UBE2E1: variants seen among roughly 807,000 people sequenced by gnomAD.
UBE2E1 encodes the protein ubiquitin-conjugating enzyme E2 E1.
A neutral mutation model predicts 21.4 loss-of-function variants in UBE2E1; 6 were observed. That is an observed-to-expected ratio of 0.28 (90% CI 0.15 to 0.55). UBE2E1 has a LOEUF of 0.55. Ranked by LOEUF, UBE2E1 falls within the 20% of genes least tolerant of loss-of-function variation. UBE2E1 has a pLI of 0.93. For missense variants in UBE2E1, 142 were observed against 236.5 expected, an observed-to-expected ratio of 0.60 and a Z score of 2.62; for synonymous variants, 87 against 82.7, an observed-to-expected ratio of 1.05 and a Z score of -0.28.
At chr3:23,807,496 A>G (rs1029409164) in intron 2 of UBE2E1, 75 bp downstream of exon 2, 21 of 1,560,592 alleles carry the variant, frequency 1.3e-5, no homozygotes, top group Admixed American at 5.9e-5. Flanking sequence ...CTGCCTCCCA[A>G]TGAGGATAGC....
intron 3 of UBE2E1, among the ~76,000 whole-genome samples, chr3:23,847,742 A>T (rs1031530680): frequency 7.2e-5 from 11 of 151,906 alleles, no homozygotes; most frequent in African/African-American, 2.7e-4. Context: ...TGATCCACCC[A>T]CCTCGGCCTC....
rs1699365675 is a variant in UBE2E1, at chr3:23,810,582, C to G, written c.153-878C>G. 74 of 1,492,450 alleles carry G rather than the reference C, an allele frequency of 5.0e-5. No homozygotes were observed. In the South Asian group the frequency reaches 9.0e-4, roughly 18 times the overall value. The allele number at this position is 1,492,450 out of a possible 1,614,324, so 92.5% of individuals were successfully genotyped here. On this transcript the variant is annotated intron_variant, in intron 2 of 5. Coordinates refer to ENST00000306627, the MANE Select transcript of UBE2E1 (RefSeq NM_003341.5). The surrounding 1 kb of genome is among the most constrained non-coding windows in gnomAD (Gnocchi z 5.8). ...CCAGCGTGCGGGGCGGAGGCAGGGT[C>G]CGGTGCACCTGTGCGGCCGCGGGCC...
At chr3:23,856,458 G>T (rs975997692) in intron 3 of UBE2E1, among the ~76,000 whole-genome samples, 1 of 152,214 alleles carries the variant, frequency 6.6e-6, no homozygotes, top group African/African-American at 2.4e-5. Context: ...TGGTTTGGAA[G>T]TCATTGCTTT....
In UBE2E1 at chr3:23,806,021, G is replaced by C. The variant is rs1699255863; in HGVS notation, c.-101G>C. The C allele has an allele frequency of 6.5e-6, 1 of 153,462 alleles. No homozygotes were observed. The highest frequency in any genetic ancestry group is 1.5e-5 in the Non-Finnish European group (1 of 68,508). The allele number at this position is 153,462 out of a possible 1,614,324, so 9.5% of individuals were successfully genotyped here. ...CTCCCAGCGAGAGAGAGACACGAGT[G>C]GCCAGGCCCAGCCGCAGCCGCAGCA... On this transcript the variant is annotated 5_prime_UTR_variant, in exon 1 of 6. Transcript: ENST00000306627. This position sits in a 1 kb window ranked among gnomAD's most constrained non-coding sequence, Gnocchi z 6.5.
At chr3:23,884,815 TTCC>T (rs1044953893) in intron 3 of UBE2E1, among the ~76,000 whole-genome samples, 4 of 152,218 alleles carry the variant, frequency 2.6e-5, no homozygotes, top group African/African-American at 9.6e-5. Flanking sequence ...TTGGCCTTGG[TTCC>T]TCATCTGTAA....
intron 3 of UBE2E1, among the ~76,000 whole-genome samples, chr3:23,858,316 A>G (rs1700482322): frequency 6.6e-6 from 1 of 152,006 alleles, no homozygotes; most frequent in South Asian, 2.1e-4. Context: ...CAAAATATGA[A>G]GAAGTTTATT....
chr3:23,820,708 A>G (rs1475097352), intron 3 of UBE2E1, among the ~76,000 whole-genome samples: 1 of 152,222 alleles, frequency 6.6e-6, no homozygotes, highest in African/African-American at 2.4e-5. Flanking sequence ...GCCACATCTG[A>G]CTTGTCTGTA....
chr3:23,863,818 C>T lies in UBE2E1; in HGVS notation c.204-23749C>T, dbSNP rs1362197707. On this transcript the variant is annotated intron_variant, in intron 3 of 5. Coordinates refer to ENST00000306627, the MANE Select transcript of UBE2E1 (RefSeq NM_003341.5). The surrounding 1 kb of genome is among the most constrained non-coding windows in gnomAD (Gnocchi z 4.3). ...GTGCTGGGATTACAGGCGTGAACCA[C>T]CGCGCCCAGCCTGAATTTTATCTTT... Among the ~76,000 whole-genome samples, 1 of 152,178 alleles carries T rather than the reference C, an allele frequency of 6.6e-6. No homozygotes were observed. The highest frequency in any genetic ancestry group is 1.5e-5 in the Non-Finnish European group (1 of 68,042).
intron 3 of UBE2E1, among the ~76,000 whole-genome samples, chr3:23,848,947 T>C (rs1700266718): frequency 6.6e-6 from 1 of 152,252 alleles, no homozygotes; most frequent in South Asian, 2.1e-4. Context: ...TGTTGTGTCA[T>C]GTATCAGTAC....
At chr3:23,844,787 G>A (rs1009460850) in intron 3 of UBE2E1, among the ~76,000 whole-genome samples, 6 of 152,154 alleles carry the variant, frequency 3.9e-5, no homozygotes, top group Non-Finnish European at 5.9e-5. Context: ...GGTGTTATGC[G>A]TGGGAGATGG....
chr3:23,885,562 A>C (rs1304771176), intron 3 of UBE2E1, among the ~76,000 whole-genome samples: 1 of 152,098 alleles, frequency 6.6e-6, no homozygotes, highest in East Asian at 1.9e-4. Context: ...GGTGTAGACA[A>C]TGTTTAAAAA....
intron 3 of UBE2E1, among the ~76,000 whole-genome samples, chr3:23,852,402 A>G (rs545360575): frequency 1.6e-3 from 239 of 152,174 alleles, no homozygotes; most frequent in Non-Finnish European, 2.7e-3. Context: ...TAAAAATTAC[A>G]TTTTCTGATT....
intron 3 of UBE2E1, among the ~76,000 whole-genome samples, chr3:23,862,157 G>C (rs944929025): frequency 6.6e-6 from 1 of 152,006 alleles, no homozygotes; most frequent in African/African-American, 2.4e-5. Flanking sequence ...TCACACACCT[G>C]CAAGTGGGAC....
At chr3:23,855,850 T>C (rs1320684017) in intron 3 of UBE2E1, among the ~76,000 whole-genome samples, 1 of 151,390 alleles carries the variant, frequency 6.6e-6, no homozygotes, top group Admixed American at 6.6e-5. Context: ...AAATAAAAAA[T>C]AAAAAAAAGA....
In UBE2E1 at chr3:23,856,804, C is replaced by G. The variant is rs1349028395; in HGVS notation, c.204-30763C>G. Among the ~76,000 whole-genome samples the G allele has an allele frequency of 1.1e-4, 17 of 151,992 alleles. 1 individual carries two copies. Among genetic ancestry groups the G allele is most frequent in the Non-Finnish European group, 4.4e-5 (3 of 67,984 alleles). On this transcript the variant is annotated intron_variant, in intron 3 of 5. Coordinates refer to ENST00000306627, the MANE Select transcript of UBE2E1 (RefSeq NM_003341.5). ...AATGTCATGATTATCAAGAATGTTTCCAGAAGGCAGGGCTCATCAGTCCTT... is the reference window on the plus strand; with the variant it reads ...AATGTCATGATTATCAAGAATGTTTGCAGAAGGCAGGGCTCATCAGTCCTT...
intron 3 of UBE2E1, among the ~76,000 whole-genome samples, chr3:23,852,505 T>C (rs1163710273): frequency 6.6e-6 from 1 of 152,252 alleles, no homozygotes; most frequent in African/African-American, 2.4e-5. Flanking sequence ...CTAAGAGCTT[T>C]TTAGTGGATT....
rs764815618 is a variant in UBE2E1, at chr3:23,853,446, T to G, written c.204-34121T>G. On this transcript the variant is annotated intron_variant, in intron 3 of 5. Transcript: ENST00000306627. The surrounding 1 kb of genome is among the most constrained non-coding windows in gnomAD (Gnocchi z 4.1). ...TAAGAGCCAAGCATTTTAATTTTGATGAAGCCCAGTTTGTCAGTTTTTTCT... is the reference window on the plus strand; with the variant it reads ...TAAGAGCCAAGCATTTTAATTTTGAGGAAGCCCAGTTTGTCAGTTTTTTCT... Among the ~76,000 whole-genome samples, 1 of 152,246 alleles carries G rather than the reference T, an allele frequency of 6.6e-6. No homozygotes were observed. The highest frequency in any genetic ancestry group is 1.5e-5 in the Non-Finnish European group (1 of 68,040).
At chr3:23,869,727 A>C (rs1439829971) in intron 3 of UBE2E1, among the ~76,000 whole-genome samples, 1 of 32,894 alleles carries the variant, frequency 3.0e-5, no homozygotes, top group Non-Finnish European at 6.7e-5. Context: ...CCTGTGTCAA[A>C]AAAAAAAAAA....
At chr3:23,829,433 T>A (rs11716181) in intron 3 of UBE2E1, among the ~76,000 whole-genome samples, 31,027 of 151,788 alleles carry the variant, frequency 0.2, 3,319 homozygotes, top group Non-Finnish European at 0.23. Context: ...GTGCTGGGAT[T>A]ACAGGTGTGA....
Sources: allele counts gnomAD v4.1 joint callset (sites outside exome capture counted in the v4.1 genomes callset), GRCh38; gene constraint gnomAD v4.1.1; non-coding constraint Gnocchi (gnomAD v3.1); transcripts MANE v1.5; gene names NCBI Gene and HGNC (gene_info 2026-07-23, HGNC 2026-07-21).